Variants in GRHL3 observed in about 807,000 individuals in gnomAD.
GRHL3 encodes grainyhead-like protein 3 homolog.
Under a neutral mutation model 70.3 loss-of-function variants are expected in GRHL3, and 20 were observed. That is an observed-to-expected ratio of 0.28 (90% CI 0.20 to 0.41). The LOEUF is 0.41. Ranked by LOEUF, GRHL3 falls within the 10% of genes least tolerant of loss-of-function variation. The pLI, the probability that GRHL3 is intolerant of heterozygous loss-of-function variation, is 1.00. For missense variants in GRHL3, 637 were observed against 762.3 expected (o/e 0.84, Z 1.94); for synonymous variants, 299 against 299.9 (o/e 1.00, Z 0.03).
At chr1:24,332,001 C>T (rs1337813700) in intron 2 of GRHL3, among the ~76,000 whole-genome samples, 1 of 152,196 alleles carries the variant, frequency 6.6e-6, no homozygotes, top group Non-Finnish European at 1.5e-5. Context: ...GCCTGCCACA[C>T]AGTCTGTGAC....
At chr1:24,339,939 C>T (rs1015518288) in intron 8 of GRHL3, among the ~76,000 whole-genome samples, 177 bp downstream of exon 8, 1 of 152,188 alleles carries the variant, frequency 6.6e-6, no homozygotes, top group South Asian at 2.1e-4. Context: ...AGGCTGGGTC[C>T]GCATCCCACC....
At chr1:24,343,129 C>T (rs1640116167) in intron 11 of GRHL3, 104 bp downstream of exon 11, 15 of 1,373,138 alleles carry the variant, frequency 1.1e-5, no homozygotes, top group Non-Finnish European at 1.4e-5. Flanking sequence ...TGCCCCTCAG[C>T]CAGTTTCAAG....
intron 1 of GRHL3, among the ~76,000 whole-genome samples, chr1:24,320,212 C>T (rs1639127439): frequency 6.6e-6 from 1 of 152,186 alleles, no homozygotes; most frequent in Non-Finnish European, 1.5e-5. Context: ...GTGATAAATG[C>T]TGTAAAATGC....
intron 2 of GRHL3, among the ~76,000 whole-genome samples, chr1:24,332,832 A>G (rs962979332): frequency 3.9e-5 from 6 of 152,202 alleles, no homozygotes; most frequent in Non-Finnish European, 8.8e-5. Flanking sequence ...CAGATAGGAG[A>G]AAGCCCAAAA....
At position 24,337,066 on chromosome 1, in the gene GRHL3, G is replaced by C. The variant is rs1639847561; in HGVS notation, c.613-12G>C. 2 of 1,613,440 alleles carry C rather than the reference G, an allele frequency of 1.2e-6. No homozygotes were observed. The highest frequency in any genetic ancestry group is 4.5e-5 in the East Asian group (2 of 44,866). Reference sequence around the variant, plus strand: ...TGAGCATTTATTCTCTTGGGGCTGTGTTTCTCTGCAGTCGATGCTCTTCCC... The same window carrying C: ...TGAGCATTTATTCTCTTGGGGCTGTCTTTCTCTGCAGTCGATGCTCTTCCC... On this transcript the variant is annotated splice_polypyrimidine_tract_variant and intron_variant, in intron 4 of 15. Transcript: ENST00000361548.
At chr1:24,346,310 A>G (rs1165408583) in intron 12 of GRHL3, among the ~76,000 whole-genome samples, 1 of 152,138 alleles carries the variant, frequency 6.6e-6, no homozygotes, top group Admixed American at 6.5e-5. Flanking sequence ...CCCATTTTAT[A>G]CATGGGGTCA....
intron 1 of GRHL3, among the ~76,000 whole-genome samples, chr1:24,326,616 C>G (rs777060568): frequency 6.6e-6 from 1 of 152,100 alleles, no homozygotes; most frequent in South Asian, 2.1e-4. Context: ...TCTTATTCTC[C>G]CAGGACAGGT....
Position 24,336,859 on chromosome 1 carries a change from A to C in GRHL3, c.612+32A>C, listed in dbSNP as rs762034246. On this transcript the variant is annotated intron_variant, in intron 4 of 15. Transcript: ENST00000361548. ...GCGCATCCCCGCTCCCCTATAGCAT[A>C]GATATGTGTGTGCATATACAGAATG... The C allele has an allele frequency of 1.1e-5, 16 of 1,496,776 alleles. No individual in the cohort carries two copies. In the African/African-American group the frequency reaches 2.2e-4, roughly 21 times the overall value. 92.7% of individuals were successfully genotyped at this position (1,496,776 alleles called of 1,614,324 possible).
rs948891710 is a variant in GRHL3, at chr1:24,322,746, G to C, written c.17+3178G>C. ...GGAAAACGGGGCTGAAACCCAGATG[G>C]GATCATCCAGCTTTCTCTTACGTTA... On this transcript the variant is annotated intron_variant, in intron 1 of 15. Coordinates refer to ENST00000361548, the MANE Select transcript of GRHL3 (RefSeq NM_198173.3). This position sits in a 1 kb window ranked among gnomAD's most constrained non-coding sequence, Gnocchi z 4.4. 6.6e-6 allele frequency among the ~76,000 whole-genome samples: 1 copy of C among 152,220 alleles called. No homozygotes were observed. The highest frequency in any genetic ancestry group is 1.9e-4 in the East Asian group (1 of 5,204).
At position 24,354,284 on chromosome 1, in the gene GRHL3, G is replaced by A. The variant is rs1569933076; in HGVS notation, c.1695-90G>A. ...GCCTAAAATGTGGCAGGTACCCACT[G>A]GGTATGACCCATCACTCATCCTGGT... On this transcript the variant is annotated intron_variant, in intron 15 of 15. Transcript: ENST00000361548. 20 of 830,778 alleles carry A rather than the reference G, an allele frequency of 2.4e-5. No individual in the cohort carries two copies. The East Asian group carries it at 5.3e-4, about 22-fold the overall frequency. 51.5% of individuals were successfully genotyped at this position (830,778 alleles called of 1,614,324 possible).
chr1:24,334,679 C>G lies in GRHL3; in HGVS notation c.239C>G (p.Thr80Ser). Residue 80 changes from threonine to serine, a missense_variant, in exon 3 of 16, where the codon ACT becomes AGT. Around this residue, in one of 2 missense-constraint regions of GRHL3, gnomAD observed 250 missense variants for 248.6 expected, o/e 1.01. Transcript: ENST00000361548. This position sits in a 1 kb window ranked among gnomAD's most constrained non-coding sequence, Gnocchi z 4.3. The part of the protein sequence containing the change: ...PKEKRILSSS[T>S]GGRNDQGKRY... The stretch of plus-strand genomic sequence containing the variant: ...GAGAAGCGGATATTGTCCTCCAGCA[C>G]TGGGGGCAGGAATGACCAAGGAAAG... The G allele has an allele frequency of 6.2e-7, 1 of 1,611,818 alleles. No individual in the cohort carries two copies. The highest frequency in any genetic ancestry group is 8.5e-7 in the Non-Finnish European group (1 of 1,179,316).
intron 2 of GRHL3, among the ~76,000 whole-genome samples, 190 bp downstream of exon 2, chr1:24,331,802 T>A (rs1639626703): frequency 6.6e-6 from 1 of 152,224 alleles, no homozygotes; most frequent in Admixed American, 6.5e-5. Context: ...GGGTCTCAGC[T>A]TAAATGTCAC....
downstream of GRHL3, chr1:24,358,538 C>T: frequency 6.2e-7 from 1 of 1,611,626 alleles, no homozygotes; most frequent in African/African-American, 1.3e-5. Context: ...CCTTGTGTGA[C>T]ATCCCTACAG....
chr1:24,328,907 A>G (rs1209850894), intron 1 of GRHL3, among the ~76,000 whole-genome samples: 2 of 152,136 alleles, frequency 1.3e-5, no homozygotes, highest in African/African-American at 4.8e-5. Flanking sequence ...AGGGGGTGGG[A>G]TCAGTCAGGC....
chr1:24,328,415 C>T (rs1639472523), intron 1 of GRHL3, among the ~76,000 whole-genome samples: 1 of 152,202 alleles, frequency 6.6e-6, no homozygotes, highest in South Asian at 2.1e-4. Context: ...GTTTAAAGTA[C>T]AGAAGCTGCT....
At chr1:24,336,401 G>A (rs891932271) in intron 3 of GRHL3, 81 bp from the exon 4 acceptor site, 1 of 867,854 alleles carries the variant, frequency 1.2e-6, no homozygotes. Context: ...AGGCCAGTGT[G>A]TCAGTTGCCT....
rs970687250 is a variant in GRHL3 at position 24,334,039 on chromosome 1, T to C, written c.205-606T>C. Among the ~76,000 whole-genome samples, 3 of 152,220 alleles carry C rather than the reference T, an allele frequency of 2.0e-5. No individual in the cohort carries two copies. Among genetic ancestry groups the C allele is most frequent in the Non-Finnish European group, 4.4e-5 (3 of 68,040 alleles). ...ACTTTCAAGTGGCATTTCTAGGACT[T>C]ACGCCAGGCCTGCCTGACTCCAAAT... On this transcript the variant is annotated intron_variant, in intron 2 of 15. Coordinates refer to ENST00000361548, the MANE Select transcript of GRHL3 (RefSeq NM_198173.3). This position sits in a 1 kb window ranked among gnomAD's most constrained non-coding sequence, Gnocchi z 4.3.
At chr1:24,337,009 C>T in intron 4 of GRHL3, 69 bp from the exon 5 acceptor site, 1 of 1,473,650 alleles carries the variant, frequency 6.8e-7, no homozygotes, top group Non-Finnish European at 9.5e-7. Flanking sequence ...CTGTAATGCA[C>T]AGCCCTGGGC....
At position 24,347,508 on chromosome 1, in the gene GRHL3, C is replaced by G. The variant is rs369646688; in HGVS notation, c.1584C>G (p.Asp528Glu). 6.2e-7 allele frequency: 1 copy of G among 1,614,186 alleles called. No individual in the cohort carries two copies. The highest frequency in any genetic ancestry group is 2.2e-5 in the East Asian group (1 of 44,888). Reference sequence around the variant, plus strand: ...GGAGGGAGACTGAGGAGGTGTTTGACGCGCTCATGTTGAAGACCCCAGACC... The same window carrying G: ...GGAGGGAGACTGAGGAGGTGTTTGAGGCGCTCATGTTGAAGACCCCAGACC... ...YVRRETEEVF[D>E]ALMLKTPDLK... The change falls in exon 14 of 16, where the codon GAC becomes GAG. Residue 528 changes from aspartate to glutamate, a missense_variant. Asp to Glu is a conservative substitution (Grantham distance 45, BLOSUM62 2). Around this residue, in one of 2 missense-constraint regions of GRHL3, gnomAD observed 387 missense variants for 513.8 expected, o/e 0.75. Coordinates refer to ENST00000361548, the MANE Select transcript of GRHL3 (RefSeq NM_198173.3).
Sources: allele counts gnomAD v4.1 joint callset (sites outside exome capture counted in the v4.1 genomes callset), GRCh38; gene constraint gnomAD v4.1.1; regional missense constraint gnomAD v4.1.1; non-coding constraint Gnocchi (gnomAD v3.1); transcripts MANE v1.5; gene names NCBI Gene and HGNC (gene_info 2026-07-23, HGNC 2026-07-21).